PRKG1: variants seen among roughly 807,000 people sequenced by gnomAD.
PRKG1 encodes the protein cGMP-dependent protein kinase 1.
Under a neutral mutation model 88.1 loss-of-function variants are expected in PRKG1, and 35 were observed. That is an observed-to-expected ratio of 0.40 (90% CI 0.30 to 0.53). The LOEUF is 0.53. Ranked by LOEUF, PRKG1 falls within the 20% of genes least tolerant of loss-of-function variation. The pLI, the probability that PRKG1 is intolerant of heterozygous loss-of-function variation, is 0.59. For missense variants in PRKG1, 540 were observed against 839.8 expected (o/e 0.64, Z 4.41); for synonymous variants, 303 against 292.5 (o/e 1.04, Z -0.37).
intron 1 of PRKG1, among the ~76,000 whole-genome samples, chr10:51,140,031 C>T (rs1283153516): frequency 6.6e-6 from 1 of 152,184 alleles, no homozygotes; most frequent in Non-Finnish European, 1.5e-5. Flanking sequence ...TCTGGCTCAC[C>T]AGCTTCCTTC....
intron 3 of PRKG1, among the ~76,000 whole-genome samples, chr10:51,653,239 C>T (rs1840083626): frequency 6.6e-6 from 1 of 152,078 alleles, no homozygotes; most frequent in Non-Finnish European, 1.5e-5. Flanking sequence ...AGTGGGATTG[C>T]TGGATCATAT....
intron 7 of PRKG1, among the ~76,000 whole-genome samples, chr10:52,123,980 T>A (rs1054088017): frequency 4.6e-4 from 70 of 152,302 alleles, no homozygotes; most frequent in African/African-American, 1.6e-3. Context: ...CAATAAGCTC[T>A]TTCCTAATTC....
At chr10:52,078,141 C>T (rs1028067204) in intron 7 of PRKG1, among the ~76,000 whole-genome samples, 3 of 152,212 alleles carry the variant, frequency 2.0e-5, no homozygotes, top group African/African-American at 7.2e-5. Context: ...AGGTTTTCTA[C>T]CGCCTACATC....
intron 7 of PRKG1, among the ~76,000 whole-genome samples, chr10:52,131,936 A>G (rs1837277842): frequency 6.6e-6 from 1 of 150,380 alleles, no homozygotes; most frequent in South Asian, 2.1e-4. Context: ...AAAATTTTAG[A>G]GTTAAGATGA....
At chr10:51,721,472 A>G (rs1210739725) in intron 3 of PRKG1, among the ~76,000 whole-genome samples, 6 of 152,134 alleles carry the variant, frequency 3.9e-5, no homozygotes, top group Non-Finnish European at 7.3e-5. Flanking sequence ...CAGTTGCTTC[A>G]GAGCCAGAGC....
At chr10:51,606,614 A>C (rs1007719690) in intron 3 of PRKG1, among the ~76,000 whole-genome samples, 7 of 152,274 alleles carry the variant, frequency 4.6e-5, no homozygotes, top group Non-Finnish European at 1.0e-4. Context: ...GAATATTTAA[A>C]ATACTCATTT....
At chr10:51,628,012 T>TCTCTC (rs1564579881) in intron 3 of PRKG1, among the ~76,000 whole-genome samples, 1 of 45,760 alleles carries the variant, frequency 2.2e-5, no homozygotes, top group African/African-American at 6.9e-5. Flanking sequence ...CTCTCTCTCT[T>TCTCTC]TCTTTCTTTC....
In PRKG1 at chr10:50,991,638, C is replaced by T. The variant is rs556636255; in HGVS notation, c.260C>T (p.Ser87Phe). The change falls in exon 1 of 18, where the codon TCC becomes TTC. Residue 87 changes from serine (S) to phenylalanine (F), a missense_variant. Transcript: ENST00000401604. This position sits in a 1 kb window ranked among gnomAD's most constrained non-coding sequence, Gnocchi z 4.5. ...CAGGCATTCCGGAAGTTCACCAAGT[C>T]CGAAAGGTAGGCGCGGAGGCCGTGG... is the stretch of plus-strand genomic sequence containing the variant. The T allele has an allele frequency of 2.6e-6, 4 of 1,527,126 alleles. No individual in the cohort carries two copies. The South Asian group carries it at 3.6e-5, about 14-fold the overall frequency. 94.6% of individuals were successfully genotyped at this position (1,527,126 alleles called of 1,614,324 possible).
chr10:51,653,645 C>A (rs919105195), intron 3 of PRKG1, among the ~76,000 whole-genome samples: 1 of 152,066 alleles, frequency 6.6e-6, no homozygotes, highest in Non-Finnish European at 1.5e-5. Flanking sequence ...CAGCTCACTG[C>A]AATCTCTGCC....
At chr10:52,076,331 C>A (rs1434948121) in intron 7 of PRKG1, among the ~76,000 whole-genome samples, 2 of 152,202 alleles carry the variant, frequency 1.3e-5, no homozygotes, top group Non-Finnish European at 2.9e-5. Context: ...CCGAGGCAGG[C>A]CAATCACTGG....
At chr10:51,324,520 G>A (rs906896127) in intron 2 of PRKG1, among the ~76,000 whole-genome samples, 11 of 141,378 alleles carry the variant, frequency 7.8e-5, no homozygotes, top group Admixed American at 1.5e-4. Context: ...CAGGTCAGGA[G>A]ATCAAGACCA....
intron 3 of PRKG1, among the ~76,000 whole-genome samples, chr10:51,622,444 T>TGAAA (rs1470916750): frequency 6.6e-6 from 1 of 152,192 alleles, no homozygotes; most frequent in Admixed American, 6.5e-5. Context: ...TCTCTCAATT[T>TGAAA]GAAAGACCAC....
chr10:51,401,538 C>T (rs957946858), intron 2 of PRKG1, among the ~76,000 whole-genome samples: 1 of 152,200 alleles, frequency 6.6e-6, no homozygotes, highest in African/African-American at 2.4e-5. Context: ...TTCCCCTCTT[C>T]CCTGAAAAGT....
chr10:52,158,852 A>G (rs1564494726), intron 8 of PRKG1, among the ~76,000 whole-genome samples: 1 of 151,482 alleles, frequency 6.6e-6, no homozygotes. Flanking sequence ...TATTTATAAT[A>G]TAGAGTATGA....
intron 3 of PRKG1, among the ~76,000 whole-genome samples, chr10:51,792,970 A>G (rs983300380): frequency 6.6e-5 from 10 of 152,084 alleles, no homozygotes; most frequent in African/African-American, 2.4e-4. Context: ...TATTTCTTCT[A>G]ATGTCCAGAC....
At position 51,858,421 on chromosome 10, in the gene PRKG1, A is replaced by T. The variant is rs10999798; in HGVS notation, c.699-49086A>T. 9.5e-3 allele frequency among the ~76,000 whole-genome samples: 456 copies of T among 48,084 alleles called. 23 individuals carry two copies. Among genetic ancestry groups the T allele is most frequent in the African/African-American group, 0.023 (308 of 13,514 alleles). The allele number at this position is 48,084 out of a possible 152,430, so 31.5% of individuals were successfully genotyped here. On this transcript the variant is annotated intron_variant, in intron 4 of 17. Transcript: ENST00000373980. ...TATAATATATATAAAATATATATAT[A>T]ATATATATATATAGTCTTAGTTATC...
intron 1 of PRKG1, among the ~76,000 whole-genome samples, chr10:51,087,755 AT>A (rs1183675747): frequency 6.6e-6 from 1 of 152,104 alleles, no homozygotes; most frequent in Non-Finnish European, 1.5e-5. Flanking sequence ...ACTATATTCA[AT>A]TTTGGTTTGC....
In PRKG1 at chr10:51,236,340, A is replaced by G. The variant is rs113062167; in HGVS notation, c.478+83010A>G. ...TATATTATTTTTATACACAGTGTAG[A>G]AATGTTTATTTCCTGTGGTATCATG... On this transcript the variant is annotated intron_variant, in intron 2 of 17. Transcript: ENST00000373980. 7.9e-3 allele frequency among the ~76,000 whole-genome samples: 1,196 copies of G among 152,224 alleles called. 14 individuals carry two copies. Among genetic ancestry groups the G allele is most frequent in the African/African-American group, 0.027 (1,126 of 41,546 alleles).
intron 1 of PRKG1, among the ~76,000 whole-genome samples, chr10:51,059,729 T>G (rs1843673187): frequency 6.6e-6 from 1 of 152,198 alleles, no homozygotes; most frequent in South Asian, 2.1e-4. Context: ...TGTTTTATGG[T>G]CAGCATATAG....
Sources: gnomAD v4.1 joint callset for allele counts (sites outside exome capture counted in the v4.1 genomes callset) on GRCh38, gnomAD v4.1.1 for gene constraint, Gnocchi (gnomAD v3.1) non-coding constraint, MANE v1.5 for transcripts, NCBI Gene and HGNC (gene_info 2026-07-23, HGNC 2026-07-21) for gene names.